TEAD1: variants seen among roughly 807,000 people sequenced by gnomAD.
TEAD1 encodes TEA domain transcription factor 1, also known as transcriptional enhancer factor TEF-1.
TEAD1 carries 9 observed loss-of-function variants against 54.9 expected under a neutral mutation model. That is an observed-to-expected ratio of 0.16 (90% CI 0.10 to 0.29). The LOEUF is 0.29. TEAD1 is among the 10% of genes least tolerant of loss of function. The pLI, the probability that TEAD1 is intolerant of heterozygous loss-of-function variation, is 1.00. For missense variants in TEAD1, 387 were observed against 535.9 expected (o/e 0.72, Z 2.74); for synonymous variants, 200 against 187.8 (o/e 1.07, Z -0.53).
At chr11:12,705,980 A>G (rs1287714458) in intron 2 of TEAD1, among the ~76,000 whole-genome samples, 1 of 152,184 alleles carries the variant, frequency 6.6e-6, no homozygotes, top group Admixed American at 6.5e-5. Flanking sequence ...CTCAATTTTA[A>G]AGTATAAATA....
In TEAD1 at chr11:12,928,585, T is replaced by C. The variant is rs79539060; in HGVS notation, c.1015-1589T>C. On this transcript the variant is annotated intron_variant, in intron 11 of 12. Coordinates refer to ENST00000527636, the MANE Select transcript of TEAD1 (RefSeq NM_021961.6). ...ACACCCAACTATATACCTTTTTCAA[T>C]AACCTGTTTGCCAAATTTCAGTCTT... Among the ~76,000 whole-genome samples, 691 of 151,090 alleles carry C rather than the reference T, an allele frequency of 4.6e-3. 4 individuals are homozygous for C. Among genetic ancestry groups the C allele is most frequent in the African/African-American group, 0.016 (661 of 40,428 alleles).
chr11:12,747,677 C>G (rs1231532515), intron 2 of TEAD1, among the ~76,000 whole-genome samples: 1 of 152,174 alleles, frequency 6.6e-6, no homozygotes, highest in Non-Finnish European at 1.5e-5. Flanking sequence ...TACGGTGTGT[C>G]TGGCACAGTT....
chr11:12,730,426 T>G (rs945624383), intron 2 of TEAD1, among the ~76,000 whole-genome samples: 6 of 146,292 alleles, frequency 4.1e-5, no homozygotes, highest in Non-Finnish European at 9.0e-5. Context: ...GTTTTTTTTT[T>G]TTTTTTTTTT....
chr11:12,828,301 G>A (rs558848740), intron 3 of TEAD1: 7 of 152,234 alleles, frequency 4.6e-5, no homozygotes, highest in Middle Eastern at 3.4e-3. Context: ...GTGTGGCGTC[G>A]GACAGTCAGG....
At chr11:12,936,382 CATTCCACAGGATTCTACCT>C (rs1251707363) in intron 12 of TEAD1, among the ~76,000 whole-genome samples, 2 of 152,186 alleles carry the variant, frequency 1.3e-5, no homozygotes, top group Admixed American at 1.3e-4. Context: ...GAAAGAATGT[CATTCCACAGGATTCTACCT>C]ATCCCACTGT....
In TEAD1 at chr11:12,942,155, A is replaced by G. The variant is rs1036473015; in HGVS notation, c.*4933A>G. The G allele has an allele frequency of 8.5e-5, 13 of 152,796 alleles. No individual in the cohort carries two copies. The highest frequency in any genetic ancestry group is 2.9e-4 in the African/African-American group (12 of 41,586). 9.5% of individuals were successfully genotyped at this position (152,796 alleles called of 1,614,324 possible). A position where few individuals can be genotyped will look rare whatever the true frequency, so the allele number is the denominator to read the frequency against. ...TATGAAAAGCAAATTGTACTTTTTAATGTTGCCTTTTAAATTCATGACCAA... is the reference window on the plus strand; with the variant it reads ...TATGAAAAGCAAATTGTACTTTTTAGTGTTGCCTTTTAAATTCATGACCAA... On this transcript the variant is annotated 3_prime_UTR_variant, in exon 13 of 13. Coordinates refer to ENST00000527636, the MANE Select transcript of TEAD1 (RefSeq NM_021961.6).
At chr11:12,742,150 C>G (rs532638155) in intron 2 of TEAD1, among the ~76,000 whole-genome samples, 1 of 152,176 alleles carries the variant, frequency 6.6e-6, no homozygotes, top group East Asian at 1.9e-4. Flanking sequence ...TTGATTACCT[C>G]TAGTGATGGG....
intron 3 of TEAD1, among the ~76,000 whole-genome samples, chr11:12,840,475 A>G (rs866255971): frequency 6.6e-6 from 1 of 152,042 alleles, no homozygotes; most frequent in Non-Finnish European, 1.5e-5. Flanking sequence ...GGTCAGTCCA[A>G]ATTCATGTAC....
At chr11:12,751,733 C>T (rs895338533) in intron 2 of TEAD1, among the ~76,000 whole-genome samples, 1 of 152,060 alleles carries the variant, frequency 6.6e-6, no homozygotes. Context: ...CATTTTAAGG[C>T]AGCATGCAAG....
chr11:12,871,646 A>C (rs929495362), intron 5 of TEAD1, among the ~76,000 whole-genome samples: 1 of 152,038 alleles, frequency 6.6e-6, no homozygotes, highest in Non-Finnish European at 1.5e-5. Flanking sequence ...CTGTTTTCAG[A>C]AGCTCACGGT....
intron 2 of TEAD1, among the ~76,000 whole-genome samples, chr11:12,685,708 A>C (rs555854219): frequency 6.6e-6 from 1 of 152,204 alleles, no homozygotes; most frequent in Non-Finnish European, 1.5e-5. Flanking sequence ...GTGCTCCCTA[A>C]TGATAAATGT....
intron 3 of TEAD1, among the ~76,000 whole-genome samples, chr11:12,812,909 C>A (rs902229615): frequency 7.2e-5 from 11 of 152,196 alleles, no homozygotes; most frequent in African/African-American, 2.7e-4. Context: ...AAGGTACTAG[C>A]TAGACTGTTA....
chr11:12,777,703 T>A (rs1945459728), intron 3 of TEAD1, among the ~76,000 whole-genome samples: 1 of 152,242 alleles, frequency 6.6e-6, no homozygotes, highest in South Asian at 2.1e-4. Context: ...AGATGTGCCC[T>A]TGTATTTTCT....
intron 3 of TEAD1, among the ~76,000 whole-genome samples, chr11:12,774,565 G>A (rs1390902469): frequency 1.3e-5 from 2 of 152,082 alleles, no homozygotes; most frequent in Non-Finnish European, 2.9e-5. Flanking sequence ...TTCTTCAGTT[G>A]GTCCAAAACT....
In TEAD1 at chr11:12,938,509, G is replaced by A. The variant is rs933083059; in HGVS notation, c.*1287G>A. On this transcript the variant is annotated 3_prime_UTR_variant, in exon 13 of 13. Coordinates refer to ENST00000527636, the MANE Select transcript of TEAD1 (RefSeq NM_021961.6). The stretch of plus-strand genomic sequence containing the variant: ...AGTGTCACTCAGTTTGCTAGGTGCT[G>A]ATATGTACGTATATCTCAATGTGTC... 1.3e-5 allele frequency: 2 copies of A among 152,250 alleles called. No individual in the cohort carries two copies. The highest frequency in any genetic ancestry group is 2.4e-5 in the African/African-American group (1 of 41,450). The allele number at this position is 152,250 out of a possible 1,614,324, so 9.4% of individuals were successfully genotyped here.
intron 12 of TEAD1, among the ~76,000 whole-genome samples, chr11:12,931,129 G>A (rs759062779): frequency 2.4e-4 from 36 of 152,158 alleles, no homozygotes; most frequent in Non-Finnish European, 4.4e-5. Context: ...AACTTAATGG[G>A]CAGCTAAAGG....
At chr11:12,789,299 A>G (rs1041345176) in intron 3 of TEAD1, among the ~76,000 whole-genome samples, 2 of 152,240 alleles carry the variant, frequency 1.3e-5, no homozygotes, top group African/African-American at 2.4e-5. Context: ...AGTACCTGAC[A>G]CATAAGCTCT....
intron 3 of TEAD1, among the ~76,000 whole-genome samples, chr11:12,824,194 T>C (rs551815343): frequency 2.7e-4 from 41 of 152,368 alleles, no homozygotes; most frequent in Non-Finnish European, 4.7e-4. Context: ...CCACTCATCC[T>C]TCCTTATCAG....
intron 3 of TEAD1, chr11:12,822,464 G>C (rs975876660): frequency 1.3e-5 from 2 of 152,182 alleles, no homozygotes; most frequent in Non-Finnish European, 2.9e-5. Context: ...TGTCACTTCT[G>C]CCAGGGCGAG....
Sources: allele counts gnomAD v4.1 joint callset (sites outside exome capture counted in the v4.1 genomes callset), GRCh38; gene constraint gnomAD v4.1.1; transcripts MANE v1.5; gene names NCBI Gene and HGNC (gene_info 2026-07-23, HGNC 2026-07-21).